The following SEMA3A variants were observed in gnomAD, a reference collection of about 807,000 sequenced individuals.
SEMA3A encodes semaphorin 3A, also known as semaphorin-3A.
SEMA3A carries 29 observed loss-of-function variants against 97.9 expected under a neutral mutation model. The ratio of observed to expected loss-of-function variants is 0.30; its 90% confidence interval spans 0.22 to 0.40. The LOEUF is 0.40. Ranked by LOEUF, SEMA3A falls within the 10% of genes least tolerant of loss-of-function variation. The pLI is 1.00. For synonymous variants in SEMA3A, 321 were observed against 323.7 expected (o/e 0.99, Z 0.09); for missense variants, 763 against 951.3 (o/e 0.80, Z 2.60).
chr7:84,450,516 G>A (rs754723603), intron 1 of SEMA3A, among the ~76,000 whole-genome samples: 3 of 152,204 alleles, frequency 2.0e-5, no homozygotes, highest in Non-Finnish European at 4.4e-5. Context: ...ACTCATCTGT[G>A]ATGCAATGTA....
chr7:84,314,598 TTTG>T (rs1176118377), intron 2 of SEMA3A, among the ~76,000 whole-genome samples: 2 of 152,184 alleles, frequency 1.3e-5, no homozygotes, highest in Admixed American at 6.5e-5. Context: ...ATATATAAAC[TTTG>T]TTGTAATAAG....
At chr7:84,052,733 G>C (rs542065814) in intron 5 of SEMA3A, among the ~76,000 whole-genome samples, 88 of 151,008 alleles carry the variant, frequency 5.8e-4, no homozygotes, top group African/African-American at 2.1e-3. Flanking sequence ...TCTGATTTTA[G>C]TTATTTCTTG....
At chr7:84,367,462 A>C (rs1802875556) in intron 2 of SEMA3A, among the ~76,000 whole-genome samples, 1 of 151,194 alleles carries the variant, frequency 6.6e-6, no homozygotes, top group Admixed American at 6.6e-5. Flanking sequence ...TCTTAAGAAA[A>C]AAATCGCCAA....
intron 2 of SEMA3A, among the ~76,000 whole-genome samples, chr7:84,351,632 C>T (rs933595953): frequency 5.3e-5 from 8 of 152,028 alleles, no homozygotes; most frequent in Non-Finnish European, 4.4e-5. Context: ...CTCAACATTA[C>T]TGATCATCAG....
At chr7:84,398,243 T>C (rs757275328) in intron 1 of SEMA3A, among the ~76,000 whole-genome samples, 5 of 152,204 alleles carry the variant, frequency 3.3e-5, no homozygotes, top group Non-Finnish European at 5.9e-5. Context: ...TTGAAACTAA[T>C]AGTAGCTACA....
intron 12 of SEMA3A, among the ~76,000 whole-genome samples, chr7:83,994,613 C>A (rs1314413151): frequency 3.5e-5 from 5 of 143,192 alleles, no homozygotes; most frequent in Non-Finnish European, 6.1e-5. Flanking sequence ...GGGGTGCCTC[C>A]CAGTTAGGCT....
At chr7:84,337,173 C>T (rs1802056588) in intron 2 of SEMA3A, among the ~76,000 whole-genome samples, 1 of 152,136 alleles carries the variant, frequency 6.6e-6, no homozygotes, top group Non-Finnish European at 1.5e-5. Context: ...TTAGGAGTGT[C>T]TGGCACACAG....
chr7:84,423,145 C>T (rs1804645726), intron 1 of SEMA3A, among the ~76,000 whole-genome samples: 2 of 151,940 alleles, frequency 1.3e-5, no homozygotes, highest in Admixed American at 6.6e-5. Context: ...AAAATGTACA[C>T]AAATCAAAAC....
At chr7:84,027,953 T>C (rs569595179) in intron 6 of SEMA3A, among the ~76,000 whole-genome samples, 4 of 152,324 alleles carry the variant, frequency 2.6e-5, no homozygotes, top group African/African-American at 9.6e-5. Flanking sequence ...CCACCAAAAA[T>C]CATTTTCTAA....
chr7:84,349,531 T>C (rs965900543), intron 2 of SEMA3A, among the ~76,000 whole-genome samples: 2 of 152,186 alleles, frequency 1.3e-5, no homozygotes, highest in Non-Finnish European at 2.9e-5. Flanking sequence ...AGTTCACAGA[T>C]GGTTTTCCTG....
At chr7:84,290,297 C>T (rs557326708) in intron 3 of SEMA3A, among the ~76,000 whole-genome samples, 27 of 152,036 alleles carry the variant, frequency 1.8e-4, no homozygotes, top group African/African-American at 6.5e-4. Flanking sequence ...ACCAACCAAA[C>T]AAAAAAACTG....
chr7:84,181,912 C>T (rs771531392), intron 1 of SEMA3A, among the ~76,000 whole-genome samples: 4 of 152,092 alleles, frequency 2.6e-5, no homozygotes, highest in Non-Finnish European at 4.4e-5. Context: ...ACCTCAGAAA[C>T]TTAGTCAGCT....
intron 5 of SEMA3A, among the ~76,000 whole-genome samples, chr7:84,055,273 C>A (rs966604466): frequency 6.6e-6 from 1 of 152,172 alleles, no homozygotes; most frequent in Non-Finnish European, 1.5e-5. Context: ...CTAATCAAGC[C>A]TGGGCAATGG....
chr7:84,205,021 T>C (rs901268224), intron 3 of SEMA3A, among the ~76,000 whole-genome samples: 2 of 152,168 alleles, frequency 1.3e-5, no homozygotes, highest in Non-Finnish European at 2.9e-5. Context: ...TTACTAGTAC[T>C]AAATCCTCAA....
At chr7:84,285,414 T>G (rs1328050502) in intron 3 of SEMA3A, among the ~76,000 whole-genome samples, 1 of 152,132 alleles carries the variant, frequency 6.6e-6, no homozygotes, top group Non-Finnish European at 1.5e-5. Context: ...CCATGCGAAA[T>G]TTAATTTTTA....
chr7:84,008,498 A>T (rs541009703), intron 9 of SEMA3A, among the ~76,000 whole-genome samples: 9 of 148,420 alleles, frequency 6.1e-5, no homozygotes, highest in Admixed American at 4.0e-4. Flanking sequence ...CTCAAAAAAA[A>T]AAAAAAAAAA....
chr7:84,119,865 G>A (rs1006974106), intron 3 of SEMA3A, among the ~76,000 whole-genome samples: 1 of 152,042 alleles, frequency 6.6e-6, no homozygotes, highest in Non-Finnish European at 1.5e-5. Flanking sequence ...ACCTTCCAGA[G>A]TATAAAATAC....
At chr7:84,180,375 T>C (rs2116233932) in intron 1 of SEMA3A, among the ~76,000 whole-genome samples, 1 of 152,190 alleles carries the variant, frequency 6.6e-6, no homozygotes, top group South Asian at 2.1e-4. Flanking sequence ...TTTTTGAAAA[T>C]TTTGTATTTT....
chr7:84,278,548 T>C (rs1761742535), intron 3 of SEMA3A, among the ~76,000 whole-genome samples: 1 of 152,122 alleles, frequency 6.6e-6, no homozygotes, highest in African/African-American at 2.4e-5. Flanking sequence ...AAAGAAAAGA[T>C]GTTTAATTGG....
Sources: allele counts gnomAD v4.1 joint callset (sites outside exome capture counted in the v4.1 genomes callset), GRCh38; gene constraint gnomAD v4.1.1; transcripts MANE v1.5; gene names NCBI Gene and HGNC (gene_info 2026-07-23, HGNC 2026-07-21).